CORO2B: variants seen among roughly 807,000 people sequenced by gnomAD.
CORO2B encodes coronin 2B, also known as coronin-2B.
CORO2B carries 26 observed loss-of-function variants against 58.8 expected under a neutral mutation model. That is an observed-to-expected ratio of 0.44 (90% CI 0.32 to 0.61). CORO2B has a LOEUF of 0.61. CORO2B is among the 20% of genes least tolerant of loss of function. The pLI, the probability that CORO2B is intolerant of heterozygous loss-of-function variation, is 0.04. For synonymous variants in CORO2B, 242 were observed against 253.8 expected (o/e 0.95, Z 0.44); for missense variants, 460 against 645.1 (o/e 0.71, Z 3.11).
the CORO2B span, among the ~76,000 whole-genome samples, chr15:68,545,968 G>C: frequency 2.0e-5 from 3 of 152,230 alleles, no homozygotes; most frequent in Non-Finnish European, 4.4e-5. Flanking sequence ...CTCAGCACGG[G>C]GTCTCCTAAA....
chr15:68,571,051 T>C, the CORO2B span, among the ~76,000 whole-genome samples: 1 of 152,246 alleles, frequency 6.6e-6, no homozygotes, highest in Non-Finnish European at 1.5e-5. Flanking sequence ...AGGGAATGGA[T>C]GATTGACATC....
chr15:68,665,562 T>C (rs186904479), intron 2 of CORO2B, among the ~76,000 whole-genome samples: 24 of 151,512 alleles, frequency 1.6e-4, no homozygotes, highest in Non-Finnish European at 2.2e-4. Flanking sequence ...AAAGAGAATG[T>C]CAACCTTATG....
At chr15:68,676,279 C>T (rs1902582804) in intron 2 of CORO2B, among the ~76,000 whole-genome samples, 1 of 152,286 alleles carries the variant, frequency 6.6e-6, no homozygotes, top group Admixed American at 6.5e-5. Context: ...TGACTGCTAG[C>T]GTCCGCATCT....
rs1178662591 is a variant in CORO2B, at chr15:68,602,120, G to A, written c.15+22843G>A. Among the ~76,000 whole-genome samples, 6 of 151,206 alleles carry A rather than the reference G, an allele frequency of 4.0e-5. No homozygotes were observed. The East Asian group carries it at 7.8e-4, about 20-fold the overall frequency. Reference sequence around the variant, plus strand: ...CCTCGAATACTATCACATTGGCACCGTCTGAGTTCTGGTGGAGACACATTC... The same window carrying A: ...CCTCGAATACTATCACATTGGCACCATCTGAGTTCTGGTGGAGACACATTC... On this transcript the variant is annotated intron_variant, in intron 1 of 11. Transcript: ENST00000261861.
intron 2 of CORO2B, among the ~76,000 whole-genome samples, chr15:68,660,459 G>T (rs935121774): frequency 2.0e-5 from 3 of 151,930 alleles, no homozygotes; most frequent in African/African-American, 4.8e-5. Flanking sequence ...TAGCCTCAAC[G>T]TCCTGGGCTC....
intron 2 of CORO2B, among the ~76,000 whole-genome samples, chr15:68,659,187 G>T (rs962500413): frequency 1.3e-5 from 2 of 152,162 alleles, no homozygotes; most frequent in African/African-American, 4.8e-5. Flanking sequence ...AGTTACTGGA[G>T]TGTCTTTCCC....
At chr15:68,667,101 C>G (rs867904377) in intron 2 of CORO2B, among the ~76,000 whole-genome samples, 1 of 152,136 alleles carries the variant, frequency 6.6e-6, no homozygotes, top group Non-Finnish European at 1.5e-5. Flanking sequence ...CATGCTCCCC[C>G]ACCCCTACTC....
rs544716395 is a variant in CORO2B, at chr15:68,725,831, C to T, written c.1312-12C>T. 7 of 1,613,350 alleles carry T rather than the reference C, an allele frequency of 4.3e-6. No individual in the cohort carries two copies. In the Admixed American group the frequency reaches 6.7e-5, roughly 15 times the overall value. ...TGGGCCCTCCTTGGCCCCCTCTCTT[C>T]CTCCACCCCAGCTCCTTCGAATGTT... On this transcript the variant is annotated splice_polypyrimidine_tract_variant and intron_variant, in intron 11 of 11. Transcript: ENST00000261861.
the CORO2B span, among the ~76,000 whole-genome samples, chr15:68,537,375 CAT>C: frequency 3.9e-5 from 6 of 152,250 alleles, no homozygotes; most frequent in Admixed American, 2.6e-4. Flanking sequence ...TAGGCAATAG[CAT>C]GGGCACTCTG....
intron 2 of CORO2B, among the ~76,000 whole-genome samples, chr15:68,667,836 A>G (rs1228305468): frequency 5.3e-5 from 8 of 152,228 alleles, no homozygotes; most frequent in Admixed American, 5.2e-4. Flanking sequence ...CCATCTCTGG[A>G]AATAGAATAT....
At chr15:68,535,453 G>T in the CORO2B span, among the ~76,000 whole-genome samples, 1 of 152,152 alleles carries the variant, frequency 6.6e-6, no homozygotes, top group African/African-American at 2.4e-5. Flanking sequence ...GAGTTGCTGG[G>T]GTGGTTAAAT....
chr15:68,711,788 G>C (rs1567017798), intron 5 of CORO2B, 82 bp downstream of exon 5: 2 of 1,531,946 alleles, frequency 1.3e-6, no homozygotes, highest in Non-Finnish European at 1.8e-6. Context: ...GAAGAAAAAG[G>C]CTGTGCCAGC....
chr15:68,602,403 C>T (rs1053200475), intron 1 of CORO2B, among the ~76,000 whole-genome samples: 4 of 135,886 alleles, frequency 2.9e-5, no homozygotes, highest in African/African-American at 1.1e-4. Flanking sequence ...AAATTAGGGG[C>T]TGATCACACA....
intron 2 of CORO2B, among the ~76,000 whole-genome samples, chr15:68,648,147 A>C (rs1185568874): frequency 6.6e-6 from 1 of 150,740 alleles, no homozygotes; most frequent in Non-Finnish European, 1.5e-5. Flanking sequence ...AGCCTGACCA[A>C]TATGGTGAAA....
At chr15:68,715,924 G>A (rs564489431) in intron 8 of CORO2B, among the ~76,000 whole-genome samples, 116 of 152,132 alleles carry the variant, frequency 7.6e-4, no homozygotes, top group East Asian at 1.2e-3. Context: ...TCTATATTTC[G>A]GGTCCAAATC....
At chr15:68,725,757 A>AG in intron 11 of CORO2B, 86 bp from the exon 12 acceptor site, 1 of 1,555,004 alleles carries the variant, frequency 6.4e-7, no homozygotes. Context: ...CACGGGCGGC[A>AG]GGCAGCTGGA....
intron 2 of CORO2B, among the ~76,000 whole-genome samples, chr15:68,683,416 A>C (rs1902857104): frequency 2.0e-5 from 3 of 152,184 alleles, no homozygotes. Flanking sequence ...GCTAGTGATG[A>C]CAGCCTCGAG....
intron 1 of CORO2B, among the ~76,000 whole-genome samples, chr15:68,607,437 C>T (rs1405425782): frequency 6.6e-6 from 1 of 152,152 alleles, no homozygotes; most frequent in African/African-American, 2.4e-5. Context: ...TCCCTTATGA[C>T]CTAGCCTCAG....
chr15:68,611,587 T>A (rs1900248577), intron 1 of CORO2B, among the ~76,000 whole-genome samples: 1 of 152,194 alleles, frequency 6.6e-6, no homozygotes, highest in Non-Finnish European at 1.5e-5. Context: ...AATTACTACA[T>A]CTTTTTCCTA....
Sources: gnomAD v4.1 joint callset for allele counts (sites outside exome capture counted in the v4.1 genomes callset) on GRCh38, gnomAD v4.1.1 for gene constraint, MANE v1.5 for transcripts, NCBI Gene and HGNC (gene_info 2026-07-23, HGNC 2026-07-21) for gene names.